The following SAMSN1 variants were observed in gnomAD, a reference collection of about 807,000 sequenced individuals.
The protein encoded by SAMSN1 is SAM domain, SH3 domain and nuclear localization signals 1.
A neutral mutation model predicts 42.0 loss-of-function variants in SAMSN1; 31 were observed. The observed-to-expected ratio is 0.74, with a 90% CI of 0.55 to 1.00. The LOEUF is 1.00. Ranked by LOEUF, SAMSN1 falls within the 50% of genes least tolerant of loss-of-function variation. The pLI is 0.00. For missense variants in SAMSN1, 464 were observed against 439.4 expected, an observed-to-expected ratio of 1.06 and a Z score of -0.50; for synonymous variants, 178 against 151.9, an observed-to-expected ratio of 1.17 and a Z score of -1.26.
intron 2 of SAMSN1, among the ~76,000 whole-genome samples, chr21:14,616,465 T>C (rs1982840289): frequency 2.0e-5 from 3 of 152,036 alleles, no homozygotes; most frequent in Non-Finnish European, 4.4e-5. Context: ...TTGAGAAAAA[T>C]GGAAAGTAGC....
rs539250143 is a variant in SAMSN1 at position 14,485,417 on chromosome 21, A to C, written c.*495T>G. 2.0e-5 allele frequency: 3 copies of C among 152,456 alleles called. No individual in the cohort carries two copies. In the East Asian group the frequency reaches 5.8e-4, roughly 29 times the overall value. 9.4% of individuals were successfully genotyped at this position (152,456 alleles called of 1,614,324 possible). A position where few individuals can be genotyped will look rare whatever the true frequency, so the allele number is the denominator to read the frequency against. On this transcript the variant is annotated 3_prime_UTR_variant, in exon 8 of 8. Coordinates refer to ENST00000400566, the MANE Select transcript of SAMSN1 (RefSeq NM_022136.5). ...AAATCAACAAAATATAATTACTAAAACTCCACTGTGGATCAGGATAAAATG... is the reference window on the plus strand; with the variant it reads ...AAATCAACAAAATATAATTACTAAACCTCCACTGTGGATCAGGATAAAATG...
At chr21:14,524,017 T>C (rs765031172) in intron 1 of SAMSN1, among the ~76,000 whole-genome samples, 1 of 152,160 alleles carries the variant, frequency 6.6e-6, no homozygotes, top group East Asian at 1.9e-4. Flanking sequence ...AAGAAGAAAA[T>C]CTAAATATTT....
At chr21:14,499,531 C>T (rs1202600578) in intron 6 of SAMSN1, among the ~76,000 whole-genome samples, 2 of 146,592 alleles carry the variant, frequency 1.4e-5, no homozygotes, top group African/African-American at 5.0e-5. Context: ...AGAAGAATGA[C>T]AATTCTTTCT....
At chr21:14,653,107 C>A (rs1043939914) in intron 1 of SAMSN1, among the ~76,000 whole-genome samples, 3 of 152,016 alleles carry the variant, frequency 2.0e-5, no homozygotes, top group African/African-American at 7.2e-5. Flanking sequence ...ATTAGTACAA[C>A]CACTATGGAG....
At chr21:14,611,740 A>G (rs8134452) in intron 4 of SAMSN1, among the ~76,000 whole-genome samples, 1,953 of 152,312 alleles carry the variant, frequency 0.013, 31 homozygotes, top group African/African-American at 0.044. Flanking sequence ...TACTGCTGGG[A>G]GAATTGAAAC....
intron 1 of SAMSN1, among the ~76,000 whole-genome samples, chr21:14,523,580 G>T (rs1382082293): frequency 3.9e-5 from 6 of 152,162 alleles, no homozygotes; most frequent in African/African-American, 9.7e-5. Flanking sequence ...TGAGCGTATT[G>T]TTGTCCTGCT....
intron 1 of SAMSN1, among the ~76,000 whole-genome samples, chr21:14,542,033 AAAAG>A (rs1398723917): frequency 6.6e-6 from 1 of 151,702 alleles, no homozygotes; most frequent in South Asian, 2.1e-4. Flanking sequence ...GAACGAACGG[AAAAG>A]AAAGAAAGTT....
rs930138493 is a variant in SAMSN1 at position 14,512,719 on chromosome 21, G to T, written c.280-146C>A. The T allele has an allele frequency of 6.3e-5, 43 of 687,540 alleles. No individual in the cohort carries two copies. The African/African-American group carries it at 7.5e-4, about 12-fold the overall frequency. The allele number at this position is 687,540 out of a possible 1,614,324, so 42.6% of individuals were successfully genotyped here. A position where few individuals can be genotyped will look rare whatever the true frequency, so the allele number is the denominator to read the frequency against. On this transcript the variant is annotated intron_variant, in intron 3 of 7. Transcript: ENST00000400566. ...AAAATACAAAAGTAGTTCATCTTCAGTTCAATTTCTAGCAAAACCTTTCAC... is the reference window on the plus strand; with the variant it reads ...AAAATACAAAAGTAGTTCATCTTCATTTCAATTTCTAGCAAAACCTTTCAC...
At chr21:14,528,038 GT>G (rs1156405109) in intron 1 of SAMSN1, among the ~76,000 whole-genome samples, 1 of 152,036 alleles carries the variant, frequency 6.6e-6, no homozygotes, top group Non-Finnish European at 1.5e-5. Context: ...ACTGTTACAT[GT>G]TTTAAATATT....
In SAMSN1 at chr21:14,538,941, G is replaced by A. The variant is rs1568796921; in HGVS notation, c.57+7264C>T. Among the ~76,000 whole-genome samples the A allele has an allele frequency of 3.9e-5, 6 of 152,124 alleles. No individual in the cohort carries two copies. The South Asian group carries it at 1.2e-3, about 31-fold the overall frequency. On this transcript the variant is annotated intron_variant, in intron 1 of 7. Transcript: ENST00000400566. ...GGTACTTGAATCTCCTTTACTCAAA[G>A]AAAAACCTGCTAAAATTTATTAACA...
chr21:14,639,905 A>G (rs1983553791), intron 2 of SAMSN1, among the ~76,000 whole-genome samples: 1 of 152,174 alleles, frequency 6.6e-6, no homozygotes, highest in Non-Finnish European at 1.5e-5. Flanking sequence ...TATATCTTAA[A>G]TTGGTTTCTC....
At chr21:14,559,810 A>G (rs1184335399) in intron 2 of SAMSN1, among the ~76,000 whole-genome samples, 1 of 151,978 alleles carries the variant, frequency 6.6e-6, no homozygotes, top group Non-Finnish European at 1.5e-5. Context: ...CTGGCCTCAA[A>G]ATCCCTCTTT....
At chr21:14,563,761 C>T (rs2123203956) in intron 2 of SAMSN1, among the ~76,000 whole-genome samples, 1 of 152,246 alleles carries the variant, frequency 6.6e-6, no homozygotes. Flanking sequence ...ACAATAGTTT[C>T]TTACCCTGCA....
At chr21:14,640,709 T>C (rs1271913373) in intron 2 of SAMSN1, among the ~76,000 whole-genome samples, 2 of 152,134 alleles carry the variant, frequency 1.3e-5, no homozygotes, top group Admixed American at 6.6e-5. Flanking sequence ...TGAAATAATT[T>C]TCATTCGGAA....
intron 2 of SAMSN1, among the ~76,000 whole-genome samples, chr21:14,625,139 G>C (rs1347163433): frequency 6.6e-6 from 1 of 151,956 alleles, no homozygotes; most frequent in Non-Finnish European, 1.5e-5. Context: ...AAAATAATAA[G>C]AGCTATCTAT....
At position 14,500,794 on chromosome 21, in the gene SAMSN1, T is replaced by A. The variant is rs558436067; in HGVS notation, c.562-59A>T. 5.3e-6 allele frequency: 7 copies of A among 1,308,692 alleles called. No homozygotes were observed. The East Asian group carries it at 1.6e-4, about 30-fold the overall frequency. 81.1% of individuals were successfully genotyped at this position (1,308,692 alleles called of 1,614,324 possible). A position where few individuals can be genotyped will look rare whatever the true frequency, so the allele number is the denominator to read the frequency against. On this transcript the variant is annotated intron_variant, in intron 5 of 7. Transcript: ENST00000400566. ...CAGAGAACCTCACTGATAGAAAGAA[T>A]GAAATCATAGAAAACTAGAATAATG...
chr21:14,572,012 A>ACAGAATTGCT (rs71991302), intron 2 of SAMSN1, among the ~76,000 whole-genome samples: 51,397 of 151,814 alleles, frequency 0.34, 11,625 homozygotes, highest in African/African-American at 0.65. Flanking sequence ...CTCGTGTAAT[A>ACAGAATTGCT]CAGAATTGTT....
intron 2 of SAMSN1, among the ~76,000 whole-genome samples, chr21:14,563,789 G>C (rs760846298): frequency 1.3e-5 from 2 of 152,140 alleles, no homozygotes; most frequent in Non-Finnish European, 2.9e-5. Flanking sequence ...TGTTCTCCAT[G>C]GAAAGAACAG....
intron 2 of SAMSN1, among the ~76,000 whole-genome samples, chr21:14,562,811 A>C (rs1980987843): frequency 6.6e-6 from 1 of 152,146 alleles, no homozygotes; most frequent in Non-Finnish European, 1.5e-5. Flanking sequence ...AATACTAAGG[A>C]TACTGTAATA....
Sources: allele counts gnomAD v4.1 joint callset (sites outside exome capture counted in the v4.1 genomes callset), GRCh38; gene constraint gnomAD v4.1.1; transcripts MANE v1.5; gene names NCBI Gene and HGNC (gene_info 2026-07-23, HGNC 2026-07-21).